NEK10: variants seen among roughly 807,000 people sequenced by gnomAD.
NEK10 encodes the protein NIMA related kinase 10.
Under a neutral mutation model 159.8 loss-of-function variants are expected in NEK10, and 122 were observed. The ratio of observed to expected loss-of-function variants is 0.76; its 90% confidence interval spans 0.66 to 0.89. The LOEUF (loss-of-function observed/expected upper bound fraction) is 0.89. Ranked by LOEUF, NEK10 falls within the 40% of genes least tolerant of loss-of-function variation. The pLI, the probability that NEK10 is intolerant of heterozygous loss-of-function variation, is 0.00. For synonymous variants in NEK10, 466 were observed against 457.1 expected (o/e 1.02, Z -0.25); for missense variants, 1,342 against 1,323.1 (o/e 1.01, Z -0.22).
At chr3:27,261,229 C>A (rs920910066) in intron 22 of NEK10, among the ~76,000 whole-genome samples, 7 of 152,064 alleles carry the variant, frequency 4.6e-5, no homozygotes, top group African/African-American at 1.7e-4. Flanking sequence ...TCCTTCAGTT[C>A]TGCTCTGATC....
intron 25 of NEK10, among the ~76,000 whole-genome samples, chr3:27,200,818 T>C (rs547925629): frequency 4.6e-5 from 7 of 152,176 alleles, no homozygotes; most frequent in Admixed American, 4.6e-4. Context: ...GTGTCACACA[T>C]ATATCTGAGG....
intron 1 of NEK10, among the ~76,000 whole-genome samples, chr3:27,361,335 T>C (rs1188983943): frequency 6.6e-6 from 1 of 152,200 alleles, no homozygotes; most frequent in Non-Finnish European, 1.5e-5. Flanking sequence ...ACAATGTGCC[T>C]GTGTTAGAGC....
chr3:27,151,126 A>T (rs1944823312), intron 30 of NEK10, among the ~76,000 whole-genome samples: 1 of 152,046 alleles, frequency 6.6e-6, no homozygotes, highest in African/African-American at 2.4e-5. Context: ...GGCCTCACAC[A>T]CCGCTAGTCC....
At chr3:27,145,199 AT>A (rs1406347221) in intron 30 of NEK10, among the ~76,000 whole-genome samples, 1 of 151,942 alleles carries the variant, frequency 6.6e-6, no homozygotes, top group Non-Finnish European at 1.5e-5. Flanking sequence ...TATTAAAACA[AT>A]TTTTTATTAA....
chr3:27,217,844 C>G (rs1280907100), intron 23 of NEK10, among the ~76,000 whole-genome samples: 1 of 152,128 alleles, frequency 6.6e-6, no homozygotes, highest in Non-Finnish European at 1.5e-5. Context: ...CAGTGGATGC[C>G]TGAAACCAAA....
In NEK10 at chr3:27,192,099, G is replaced by C. The variant is rs749857627; in HGVS notation, c.2435C>G (p.Thr812Arg). The C allele has an allele frequency of 6.2e-7, 1 of 1,614,188 alleles. No homozygotes were observed. Among genetic ancestry groups the C allele is most frequent in the Non-Finnish European group, 8.5e-7 (1 of 1,180,028 alleles). The change falls in exon 26 of 36, where the codon ACA becomes AGA. Residue 812 changes from threonine (T) to arginine (R), a missense_variant. By Grantham distance (71) the Thr-to-Arg change is moderately conservative. Transcript: ENST00000691995. ...GTTGGCTTCCATAAAATACCTTTGTGTGCGTCTTCGTTCCCGTTCTAGCTT... is the reference window on the plus strand; with the variant it reads ...GTTGGCTTCCATAAAATACCTTTGTCTGCGTCTTCGTTCCCGTTCTAGCTT... Reference protein sequence around the residue: ...EKKLERERRRTQRYFMEANRN... With the variant: ...EKKLERERRRRQRYFMEANRN...
chr3:27,113,946 G>A (rs1939995366), intron 35 of NEK10, among the ~76,000 whole-genome samples: 1 of 152,114 alleles, frequency 6.6e-6, no homozygotes. Context: ...AAAATGACAA[G>A]AGTCATCTTT....
chr3:27,353,601 G>T (rs1257609179), intron 1 of NEK10, among the ~76,000 whole-genome samples: 1 of 152,116 alleles, frequency 6.6e-6, no homozygotes, highest in African/African-American at 2.4e-5. Context: ...TTGACAAATA[G>T]TTGGGCTACA....
intron 1 of NEK10, among the ~76,000 whole-genome samples, chr3:27,353,189 T>G (rs1394275986): frequency 2.0e-5 from 3 of 152,202 alleles, no homozygotes; most frequent in Non-Finnish European, 4.4e-5. Context: ...GCTTTTATTT[T>G]TCTTAATCAA....
intron 23 of NEK10, among the ~76,000 whole-genome samples, chr3:27,225,962 G>C (rs140991860): frequency 1.7e-3 from 266 of 152,294 alleles, no homozygotes; most frequent in Middle Eastern, 6.8e-3. Flanking sequence ...TAACTGACCA[G>C]CCAGAAAATA....
At chr3:27,246,994 T>C (rs1413554554) in intron 23 of NEK10, among the ~76,000 whole-genome samples, 2 of 152,208 alleles carry the variant, frequency 1.3e-5, no homozygotes, top group African/African-American at 4.8e-5. Context: ...GTTCTAATAG[T>C]TTTTTGGTGG....
chr3:27,192,710 A>G (rs28729749), intron 25 of NEK10, among the ~76,000 whole-genome samples: 6,071 of 152,236 alleles, frequency 0.04, 164 homozygotes, highest in African/African-American at 0.07. Flanking sequence ...CTGAACTATC[A>G]GCTGAACTTT....
chr3:27,176,420 C>T (rs748828533), intron 26 of NEK10, among the ~76,000 whole-genome samples: 13 of 152,164 alleles, frequency 8.5e-5, no homozygotes, highest in Admixed American at 3.9e-4. Context: ...ATGCTTTGGC[C>T]GCTCTCTGGC....
chr3:27,198,331 CA>C (rs59823084), intron 25 of NEK10, among the ~76,000 whole-genome samples: 51,105 of 101,858 alleles, frequency 0.5, 10,994 homozygotes, highest in African/African-American at 0.71. Flanking sequence ...CAATCCTAAG[CA>C]AAAAAAAAAA....
chr3:27,215,630 T>C, intron 23 of NEK10: 2 of 467,932 alleles, frequency 4.3e-6, no homozygotes, highest in Non-Finnish European at 7.6e-6. Flanking sequence ...TACTTTATTT[T>C]GTTTATCACA....
chr3:27,138,514 T>G (rs1943454489), intron 31 of NEK10, among the ~76,000 whole-genome samples: 1 of 152,208 alleles, frequency 6.6e-6, no homozygotes, highest in African/African-American at 2.4e-5. Context: ...CTTTTTGTGC[T>G]CTTCCTACAT....
intron 22 of NEK10, among the ~76,000 whole-genome samples, chr3:27,269,069 G>C (rs370336769): frequency 6.6e-6 from 1 of 152,180 alleles, no homozygotes; most frequent in Non-Finnish European, 1.5e-5. Flanking sequence ...CTGAAGATGT[G>C]ACTGAATCAT....
At chr3:27,173,760 T>TA (rs1480567088) in intron 28 of NEK10, among the ~76,000 whole-genome samples, 1 of 152,088 alleles carries the variant, frequency 6.6e-6, no homozygotes, top group Non-Finnish European at 1.5e-5. Flanking sequence ...TACTCTTTTT[T>TA]AAAAAAATTG....
chr3:27,248,042 C>T (rs547548502), intron 23 of NEK10, among the ~76,000 whole-genome samples: 4 of 152,044 alleles, frequency 2.6e-5, no homozygotes, highest in Admixed American at 2.6e-4. Context: ...TGGCTTCCAT[C>T]TCACTACTTG....
Sources: gnomAD v4.1 joint callset for allele counts (sites outside exome capture counted in the v4.1 genomes callset) on GRCh38, gnomAD v4.1.1 for gene constraint, MANE v1.5 for transcripts, NCBI Gene and HGNC (gene_info 2026-07-23, HGNC 2026-07-21) for gene names.